NTM: variants seen among roughly 807,000 people sequenced by gnomAD.
NTM encodes IgLON family member 2.
In NTM, 13 loss-of-function variants were observed where a neutral mutation model predicts 42.1. The ratio of observed to expected loss-of-function variants is 0.31; its 90% CI spans 0.20 to 0.49. The LOEUF (loss-of-function observed/expected upper bound fraction) is 0.49, where lower values mean the gene tolerates loss of function less well. Ranked by LOEUF, NTM falls within the 20% of genes least tolerant of loss-of-function variation. The probability of loss-of-function intolerance (pLI) is 0.99; values close to 1 mark genes in which losing one functional copy is unlikely to be tolerated. For missense variants in NTM, 373 were observed against 452.8 expected (o/e 0.82, Z 1.60); for synonymous variants, 187 against 179.2 (o/e 1.04, Z -0.35).
chr11:131,625,906 C>T (rs1269309899), intron 1 of NTM, among the ~76,000 whole-genome samples: 1 of 152,184 alleles, frequency 6.6e-6, no homozygotes, highest in Non-Finnish European at 1.5e-5. Flanking sequence ...TTGTCACTCT[C>T]ATTGCTGTGT....
rs150885575 is a variant in NTM at position 131,943,312 on chromosome 11, A to G, written c.167+31664A>G. On this transcript the variant is annotated intron_variant, in intron 2 of 8. Transcript: ENST00000683400. Reference sequence around the variant, plus strand: ...CTCACTCACATGGAAACTGCACCCAAGTCATCAACTCTGGGCTGGTGACAC... The same window carrying G: ...CTCACTCACATGGAAACTGCACCCAGGTCATCAACTCTGGGCTGGTGACAC... 9.8e-5 allele frequency among the ~76,000 whole-genome samples: 15 copies of G among 152,290 alleles called. No individual in the cohort carries two copies. In the East Asian group the frequency reaches 2.9e-3, roughly 29 times the overall value.
intron 3 of NTM, among the ~76,000 whole-genome samples, chr11:132,189,669 GACAC>G (rs1292216982): frequency 3.2e-5 from 4 of 125,790 alleles, no homozygotes; most frequent in African/African-American, 1.2e-4. Context: ...CACACACACA[GACAC>G]ACACGATACT....
At chr11:132,234,913 C>A (rs1245378538) in intron 4 of NTM, among the ~76,000 whole-genome samples, 1 of 152,166 alleles carries the variant, frequency 6.6e-6, no homozygotes, top group Non-Finnish European at 1.5e-5. Flanking sequence ...AATAGATTTT[C>A]AACGTTAGAT....
At chr11:131,446,012 ACC>A (rs1950028815) in intron 1 of NTM, among the ~76,000 whole-genome samples, 1 of 152,170 alleles carries the variant, frequency 6.6e-6, no homozygotes, top group Non-Finnish European at 1.5e-5. Context: ...TCAATTGCCC[ACC>A]CCATTCTAGT....
intron 2 of NTM, among the ~76,000 whole-genome samples, chr11:131,947,612 A>G (rs1384005383): frequency 1.3e-5 from 2 of 152,170 alleles, no homozygotes; most frequent in African/African-American, 4.8e-5. Context: ...TCTGTAAGAC[A>G]CAGGGCCCTG....
chr11:132,147,822 T>C (rs1299144481), intron 3 of NTM, among the ~76,000 whole-genome samples: 1 of 152,026 alleles, frequency 6.6e-6, no homozygotes, highest in Non-Finnish European at 1.5e-5. Context: ...TATGGGATGA[T>C]TGGTTAGAGA....
chr11:131,384,186 C>G (rs1943032785), intron 1 of NTM, among the ~76,000 whole-genome samples: 1 of 152,002 alleles, frequency 6.6e-6, no homozygotes, highest in Admixed American at 6.6e-5. Flanking sequence ...GTCTTCAACA[C>G]AGATACAACT....
intron 2 of NTM, among the ~76,000 whole-genome samples, chr11:131,958,358 C>T (rs1352932261): frequency 1.3e-5 from 2 of 152,016 alleles, no homozygotes; most frequent in Admixed American, 6.6e-5. Context: ...TGAAGAGGTA[C>T]CCCACCCACA....
chr11:132,024,691 G>A (rs1166876885), intron 2 of NTM, among the ~76,000 whole-genome samples: 1 of 152,198 alleles, frequency 6.6e-6, no homozygotes, highest in Non-Finnish European at 1.5e-5. Flanking sequence ...TCTGGCTGCA[G>A]TTACACTGGG....
chr11:131,607,033 A>C (rs1292963914), intron 1 of NTM, among the ~76,000 whole-genome samples: 1 of 152,172 alleles, frequency 6.6e-6, no homozygotes, highest in Non-Finnish European at 1.5e-5. Context: ...TTTCTGGGTA[A>C]TCCCCTTTGA....
At chr11:131,886,530 C>A in intron 1 of NTM, among the ~76,000 whole-genome samples, 1 of 152,252 alleles carries the variant, frequency 6.6e-6, no homozygotes, top group East Asian at 1.9e-4. Context: ...AAGATCCCTT[C>A]TAACTGGGTC....
chr11:131,914,821 C>G (rs905828341), intron 2 of NTM, among the ~76,000 whole-genome samples: 4 of 152,216 alleles, frequency 2.6e-5, no homozygotes, highest in Non-Finnish European at 5.9e-5. Flanking sequence ...ATTGAGTGCT[C>G]ACTATGTGTT....
intron 4 of NTM, among the ~76,000 whole-genome samples, chr11:132,241,559 G>A (rs2090191769): frequency 6.6e-6 from 1 of 152,142 alleles, no homozygotes; most frequent in East Asian, 1.9e-4. Flanking sequence ...ATTCAAAGTC[G>A]TAAACACAAA....
At chr11:131,963,811 A>G (rs2062500361) in intron 2 of NTM, among the ~76,000 whole-genome samples, 1 of 152,202 alleles carries the variant, frequency 6.6e-6, no homozygotes, top group African/African-American at 2.4e-5. Context: ...ATTTATATGT[A>G]CCTACTTATT....
intron 2 of NTM, among the ~76,000 whole-genome samples, chr11:132,004,639 CACACACACACACACA>C (rs1454873326): frequency 2.0e-4 from 30 of 151,456 alleles, no homozygotes; most frequent in African/African-American, 7.0e-4. Flanking sequence ...CTCTCTCACA[CACACACACACACACA>C]ACACACACAC....
At chr11:131,934,349 T>G (rs531794147) in intron 2 of NTM, among the ~76,000 whole-genome samples, 1 of 152,350 alleles carries the variant, frequency 6.6e-6, no homozygotes, top group Non-Finnish European at 1.5e-5. Flanking sequence ...AGAAGTTTAC[T>G]TAGCTTCAGA....
At chr11:131,936,066 A>G (rs1283242246) in intron 2 of NTM, among the ~76,000 whole-genome samples, 1 of 152,116 alleles carries the variant, frequency 6.6e-6, no homozygotes, top group Non-Finnish European at 1.5e-5. Context: ...TCCTAAGAAT[A>G]TCAATATAAA....
intron 2 of NTM, among the ~76,000 whole-genome samples, chr11:132,086,395 CTT>C (rs990040631): frequency 6.7e-6 from 1 of 149,388 alleles, no homozygotes; most frequent in African/African-American, 2.5e-5. Flanking sequence ...GAAAAAAAAA[CTT>C]TTCTCCAGCA....
intron 2 of NTM, among the ~76,000 whole-genome samples, chr11:132,094,140 A>G (rs530637730): frequency 1.4e-4 from 22 of 152,362 alleles, no homozygotes; most frequent in Non-Finnish European, 2.4e-4. Flanking sequence ...AGAGTAGGCT[A>G]CAGTCTCTTT....
Sources: gnomAD v4.1 joint callset for allele counts (sites outside exome capture counted in the v4.1 genomes callset) on GRCh38, gnomAD v4.1.1 for gene constraint, MANE v1.5 for transcripts, NCBI Gene and HGNC (gene_info 2026-07-23, HGNC 2026-07-21) for gene names.